CTSH: variants seen among roughly 807,000 people sequenced by gnomAD.
CTSH encodes the protein cathepsin H, also known as pro-cathepsin H.
A neutral mutation model predicts 56.3 loss-of-function variants in CTSH; 52 were observed. The observed-to-expected ratio is 0.92, with a 90% CI of 0.74 to 1.16. The LOEUF (loss-of-function observed/expected upper bound fraction) is 1.16, where lower values mean the gene tolerates loss of function less well. CTSH is among the 50% of genes most tolerant of loss of function. The pLI, the probability that CTSH is intolerant of heterozygous loss-of-function variation, is 0.00. For missense variants in CTSH, 406 were observed against 424.5 expected (o/e 0.96, Z 0.38); for synonymous variants, 174 against 155.7 (o/e 1.12, Z -0.88).
At chr15:78,923,295 CTTT>C (rs1171485395) in intron 10 of CTSH, among the ~76,000 whole-genome samples, 177 bp from the exon 11 acceptor site, 1 of 152,168 alleles carries the variant, frequency 6.6e-6, no homozygotes, top group Admixed American at 6.5e-5. Flanking sequence ...CCTTTCAGTT[CTTT>C]TTTTCTTTTG....
intron 2 of CTSH, 88 bp from the exon 3 acceptor site, chr15:78,937,511 G>A: frequency 4.3e-6 from 6 of 1,387,008 alleles, no homozygotes; most frequent in Non-Finnish European, 6.0e-6. Flanking sequence ...GAGGAAAGAT[G>A]AAGGTTTTCT....
chr15:78,927,458 A>C, intron 9 of CTSH: 1 of 546,950 alleles, frequency 1.8e-6, no homozygotes, highest in South Asian at 2.4e-5. Context: ...CAAGCAAGAA[A>C]ACAGAACCAA....
chr15:78,942,177 T>C (rs1336601748), intron 1 of CTSH, among the ~76,000 whole-genome samples: 1 of 151,684 alleles, frequency 6.6e-6, no homozygotes, highest in African/African-American at 2.4e-5. Flanking sequence ...CCCATGGTGC[T>C]CTATCACTCA....
chr15:78,936,284 C>T (rs1337430209), intron 3 of CTSH, among the ~76,000 whole-genome samples: 2 of 149,806 alleles, frequency 1.3e-5, no homozygotes, highest in East Asian at 2.0e-4. Flanking sequence ...CGGATTCAAG[C>T]GATTCTCCTG....
chr15:78,925,702 C>G (rs142479760), intron 9 of CTSH: 8 of 389,142 alleles, frequency 2.1e-5, no homozygotes, highest in African/African-American at 1.4e-4. Flanking sequence ...CCTACTCATT[C>G]AGTCATTCAC....
Position 78,929,433 on chromosome 15 carries a change from G to A in CTSH, c.609C>T (p.Asp203=). The A allele has an allele frequency of 3.1e-6, 5 of 1,612,684 alleles. No individual in the cohort carries two copies. Among genetic ancestry groups the A allele is most frequent in the Non-Finnish European group, 4.2e-6 (5 of 1,179,244 alleles). The change falls in exon 8 of 12, where the codon GAC becomes GAT. Residue 203 remains aspartate (D), a synonymous_variant. Coordinates refer to ENST00000220166, the MANE Select transcript of CTSH (RefSeq NM_004390.5). Reference sequence around the variant, plus strand: ...TTACCTTGCCCTGGTAGGGGTAGGTGTCTTCACCCATGATCCCCTTGTTGT... The same window carrying A: ...TTACCTTGCCCTGGTAGGGGTAGGTATCTTCACCCATGATCCCCTTGTTGT... ...ILYNKGIMGE[D]TYPYQGKDGY... is the part of the protein sequence containing the mutation.
At chr15:78,942,036 A>T (rs10400877) in intron 1 of CTSH, among the ~76,000 whole-genome samples, 75,786 of 151,452 alleles carry the variant, frequency 0.5, 22,424 homozygotes, top group Non-Finnish European at 0.68. Context: ...TTCAGCATTA[A>T]TTCTGGTCTT....
At chr15:78,932,619 C>A (rs1410568641) in intron 5 of CTSH, among the ~76,000 whole-genome samples, 161 bp from the exon 6 acceptor site, 1 of 152,194 alleles carries the variant, frequency 6.6e-6, no homozygotes, top group African/African-American at 2.4e-5. Context: ...CTGAGCCTCG[C>A]AGGCCCTGTT....
At chr15:78,923,585 G>A (rs529918178) in intron 10 of CTSH, among the ~76,000 whole-genome samples, 4 of 152,162 alleles carry the variant, frequency 2.6e-5, no homozygotes, top group Admixed American at 6.5e-5. Flanking sequence ...CACCGCACCC[G>A]GCCCTTTCAG....
chr15:78,928,685 C>T (rs1035946680), intron 8 of CTSH, among the ~76,000 whole-genome samples: 6 of 151,314 alleles, frequency 4.0e-5, no homozygotes, highest in South Asian at 2.1e-4. Context: ...TCGAGGCAGG[C>T]GTGGGGTCTG....
At chr15:78,927,980 A>G (rs1161316055) in intron 8 of CTSH, among the ~76,000 whole-genome samples, 199 bp from the exon 9 acceptor site, 1 of 152,200 alleles carries the variant, frequency 6.6e-6, no homozygotes, top group African/African-American at 2.4e-5. Context: ...TGGCTTTGGC[A>G]GAGGTGGGCA....
rs1488481004 is a variant in CTSH at position 78,922,039 on chromosome 15, CCCA to C, written c.*88_*90del. 19 of 1,244,064 alleles carry C rather than the reference CCCA, an allele frequency of 1.5e-5. No homozygotes were observed. The highest frequency in any genetic ancestry group is 3.0e-5 in the African/African-American group (2 of 67,178). 77.1% of individuals were successfully genotyped at this position (1,244,064 alleles called of 1,614,324 possible). On this transcript the variant is annotated 3_prime_UTR_variant, in exon 12 of 12. Transcript: ENST00000220166. The stretch of plus-strand genomic sequence containing the variant: ...AATGTTGGGGGTCCCAGTGGATCTC[CCCA>C]CAACTTCCTCCAGGGCAGGATTTCC...
intron 2 of CTSH, 49 bp downstream of exon 2, chr15:78,939,091 G>A (rs1416645053): frequency 1.3e-6 from 2 of 1,528,436 alleles, no homozygotes; most frequent in South Asian, 2.4e-5. Flanking sequence ...TTGATAACAG[G>A]AAACTTTGTG....
chr15:78,928,586 AAAAGAAG>A (rs1311262465), intron 8 of CTSH, among the ~76,000 whole-genome samples: 1 of 108,070 alleles, frequency 9.3e-6, no homozygotes, highest in African/African-American at 4.3e-5. Context: ...AAAAAAAAAA[AAAAGAAG>A]GGAGAGTAAA....
chr15:78,941,728 G>A (rs1001607453), intron 1 of CTSH, among the ~76,000 whole-genome samples: 5 of 151,342 alleles, frequency 3.3e-5, no homozygotes, highest in African/African-American at 7.3e-5. Context: ...CCCGGGAGGC[G>A]GGGCTTGCAG....
chr15:78,923,554 G>C (rs2054825507), intron 10 of CTSH, among the ~76,000 whole-genome samples: 1 of 152,204 alleles, frequency 6.6e-6, no homozygotes, highest in East Asian at 1.9e-4. Flanking sequence ...CTCCCAAAGT[G>C]CTGGGATTGC....
intron 1 of CTSH, among the ~76,000 whole-genome samples, chr15:78,940,709 A>G (rs766238756): frequency 1.3e-5 from 2 of 152,238 alleles, no homozygotes; most frequent in Non-Finnish European, 2.9e-5. Context: ...CTGTAATCCC[A>G]GCACTTTGGG....
intron 5 of CTSH, among the ~76,000 whole-genome samples, chr15:78,934,190 G>A (rs961886374): frequency 1.3e-5 from 2 of 152,220 alleles, no homozygotes; most frequent in African/African-American, 4.8e-5. Flanking sequence ...AAGCCCGGGA[G>A]GCTTTAAAGC....
intron 10 of CTSH, 71 bp downstream of exon 10, chr15:78,925,263 C>T (rs1312794389): frequency 1.9e-5 from 18 of 968,900 alleles, no homozygotes; most frequent in East Asian, 1.7e-4. Flanking sequence ...CCAAGTCCCA[C>T]GAGTGGGGTG....
Sources: allele counts gnomAD v4.1 joint callset (sites outside exome capture counted in the v4.1 genomes callset), GRCh38; gene constraint gnomAD v4.1.1; transcripts MANE v1.5; gene names NCBI Gene and HGNC (gene_info 2026-07-23, HGNC 2026-07-21).